The following FRMD4B variants were observed in gnomAD, a reference collection of about 807,000 sequenced individuals.
The protein encoded by FRMD4B is FERM domain-containing protein 4B.
A neutral mutation model predicts 141.5 loss-of-function variants in FRMD4B; 74 were observed. The observed-to-expected ratio is 0.52, with a 90% confidence interval of 0.43 to 0.63. FRMD4B has a LOEUF of 0.63. Among genes scored for constraint, FRMD4B ranks in the 30% least tolerant of loss-of-function variants. The probability of loss-of-function intolerance (pLI) is 0.00; values close to 1 mark genes in which losing one functional copy is unlikely to be tolerated. For missense variants in FRMD4B, 1,366 were observed against 1,253.4 expected (o/e 1.09, Z -1.36); for synonymous variants, 506 against 467.9 (o/e 1.08, Z -1.05).
At chr3:69,340,318 TC>T (rs1236611652) in intron 1 of FRMD4B, among the ~76,000 whole-genome samples, 4 of 152,142 alleles carry the variant, frequency 2.6e-5, no homozygotes, top group African/African-American at 9.7e-5. Flanking sequence ...CTCTCCCTCC[TC>T]CCACCCTCTA....
intron 1 of FRMD4B, among the ~76,000 whole-genome samples, chr3:69,362,122 T>C (rs17005661): frequency 0.049 from 7,499 of 152,244 alleles, 629 homozygotes; most frequent in African/African-American, 0.17. Context: ...TAATTGTAGA[T>C]TAATAATAAC....
At position 69,169,375 on chromosome 3, in the gene FRMD4B, T is replaced by TC. The variant is rs11408988; in HGVS notation, c.*2485dup. Among the ~76,000 whole-genome samples the TC allele has an allele frequency of 0.74, 92,470 of 124,278 alleles. 36,574 individuals are homozygous for TC. Among genetic ancestry groups the TC allele is most frequent in the Non-Finnish European group, 0.86 (51,311 of 59,482 alleles). The allele number at this position is 124,278 out of a possible 152,430, so 81.5% of individuals were successfully genotyped here. A position where few individuals can be genotyped will look rare whatever the true frequency, so the allele number is the denominator to read the frequency against. On this transcript the variant is annotated 3_prime_UTR_variant, in exon 23 of 23. Transcript: ENST00000398540. ...TTTCTTTTTTTTTTTTTTTTTTTTT[T>TC]CTTGAGACAAGGTCTGTTATTGCCT... is the stretch of plus-strand genomic sequence containing the variant.
intron 19 of FRMD4B, 76 bp from the exon 20 acceptor site, chr3:69,182,793 C>T (rs763649952): frequency 1.4e-6 from 2 of 1,410,130 alleles, no homozygotes; most frequent in Non-Finnish European, 2.0e-6. Flanking sequence ...TAAGCAGATA[C>T]AAAACTTACT....
At chr3:69,244,675 A>G (rs2093410906) in intron 7 of FRMD4B, among the ~76,000 whole-genome samples, 1 of 152,056 alleles carries the variant, frequency 6.6e-6, no homozygotes, top group African/African-American at 2.4e-5. Context: ...TGGGCGGATC[A>G]CTGAGGTCAA....
At chr3:69,290,469 A>G (rs1325437327) in intron 4 of FRMD4B, among the ~76,000 whole-genome samples, 3 of 152,226 alleles carry the variant, frequency 2.0e-5, no homozygotes, top group Non-Finnish European at 4.4e-5. Context: ...CTGCTGCTAC[A>G]GGGCTGAGAT....
intron 2 of FRMD4B, among the ~76,000 whole-genome samples, chr3:69,402,862 T>C (rs747918614): frequency 3.9e-5 from 6 of 152,152 alleles, no homozygotes; most frequent in Non-Finnish European, 8.8e-5. Context: ...CAATGAGATA[T>C]ACATATGAAA....
At chr3:69,508,001 G>C (rs1048400835) in intron 1 of FRMD4B, among the ~76,000 whole-genome samples, 2 of 152,100 alleles carry the variant, frequency 1.3e-5, no homozygotes, top group African/African-American at 4.8e-5. Context: ...TTTCCCACAT[G>C]GATAACCTTT....
intron 5 of FRMD4B, among the ~76,000 whole-genome samples, chr3:69,254,379 G>T (rs146307723): frequency 0.014 from 2,095 of 152,186 alleles, 23 homozygotes; most frequent in South Asian, 0.031. Context: ...GAAGTGCTTA[G>T]ATTACAGGCG....
In FRMD4B at chr3:69,170,657, T is replaced by C. The variant is rs12637416; in HGVS notation, c.*1204A>G. 2 of 152,028 alleles carry C rather than the reference T, an allele frequency of 1.3e-5. No individual in the cohort carries two copies. Among genetic ancestry groups the C allele is most frequent in the Non-Finnish European group, 2.9e-5 (2 of 68,040 alleles). The allele number at this position is 152,028 out of a possible 1,614,324, so 9.4% of individuals were successfully genotyped here. A position where few individuals can be genotyped will look rare whatever the true frequency, so the allele number is the denominator to read the frequency against. On this transcript the variant is annotated 3_prime_UTR_variant, in exon 23 of 23. Transcript: ENST00000398540. The stretch of plus-strand genomic sequence containing the variant: ...GCAAAGATGACAAAAAAGATCAATC[T>C]GGAATATGGAAATCATTTGCTTTAA...
intron 1 of FRMD4B, chr3:69,472,667 G>C (rs1246143315): frequency 1.2e-5 from 2 of 166,074 alleles, no homozygotes; most frequent in Non-Finnish European, 2.6e-5. Flanking sequence ...GAAAGTTAAG[G>C]AGTGTGGACA....
intron 5 of FRMD4B, among the ~76,000 whole-genome samples, chr3:69,282,414 G>A (rs569120196): frequency 1.3e-5 from 2 of 152,230 alleles, no homozygotes; most frequent in Admixed American, 1.3e-4. Flanking sequence ...CCAACCATCA[G>A]TGACTCACTT....
intron 17 of FRMD4B, among the ~76,000 whole-genome samples, chr3:69,190,247 T>C (rs573553675): frequency 1.3e-5 from 2 of 152,364 alleles, no homozygotes; most frequent in South Asian, 2.1e-4. Context: ...AATAAAACTT[T>C]ACCTATATAT....
chr3:69,218,988 C>T (rs1310875005), intron 9 of FRMD4B, among the ~76,000 whole-genome samples: 3 of 151,946 alleles, frequency 2.0e-5, no homozygotes, highest in Non-Finnish European at 4.4e-5. Flanking sequence ...CATGCTGAAA[C>T]CCCATCTCTA....
intron 18 of FRMD4B, 63 bp downstream of exon 18, chr3:69,189,833 A>G: frequency 4.9e-6 from 5 of 1,015,136 alleles, no homozygotes; most frequent in Non-Finnish European, 7.6e-6. Flanking sequence ...TTAACTAAGA[A>G]AATTATCTTA....
intron 11 of FRMD4B, among the ~76,000 whole-genome samples, chr3:69,211,365 A>G (rs745421416): frequency 2.6e-5 from 4 of 152,174 alleles, no homozygotes; most frequent in Non-Finnish European, 4.4e-5. Context: ...CTTTCCCTGC[A>G]TCACTGTACT....
chr3:69,390,472 C>A (rs963500390), upstream of FRMD4B, among the ~76,000 whole-genome samples: 19 of 152,254 alleles, frequency 1.2e-4, no homozygotes, highest in African/African-American at 4.6e-4. Context: ...ATGCTACTGG[C>A]GTCTAGCAGG....
chr3:69,454,167 T>C (rs946512085), intron 1 of FRMD4B, among the ~76,000 whole-genome samples: 2 of 152,196 alleles, frequency 1.3e-5, no homozygotes, highest in African/African-American at 4.8e-5. Flanking sequence ...TGGGCTGTAA[T>C]TTCTGTTCAA....
intron 2 of FRMD4B, among the ~76,000 whole-genome samples, chr3:69,422,286 G>A (rs570601923): frequency 7.2e-5 from 11 of 151,874 alleles, no homozygotes; most frequent in African/African-American, 4.8e-5. Context: ...CCAGCTACTC[G>A]GGAGGCTGAG....
intron 2 of FRMD4B, among the ~76,000 whole-genome samples, chr3:69,422,285 C>T (rs1704994048): frequency 2.0e-5 from 3 of 150,946 alleles, no homozygotes; most frequent in South Asian, 2.1e-4. Flanking sequence ...CCCAGCTACT[C>T]GGGAGGCTGA....
Sources: gnomAD v4.1 joint callset for allele counts (sites outside exome capture counted in the v4.1 genomes callset) on GRCh38, gnomAD v4.1.1 for gene constraint, MANE v1.5 for transcripts, NCBI Gene and HGNC (gene_info 2026-07-23, HGNC 2026-07-21) for gene names.